INPP4A: variants seen among roughly 807,000 people sequenced by gnomAD.
INPP4A encodes inositol polyphosphate-4-phosphatase, type I, 107kD.
INPP4A carries 33 observed loss-of-function variants against 119.8 expected under a neutral mutation model. That is an observed-to-expected ratio of 0.28 (90% CI 0.21 to 0.37). The LOEUF is 0.37. INPP4A is among the 10% of genes least tolerant of loss of function. The pLI is 1.00. For missense variants in INPP4A, 956 were observed against 1,289.9 expected (o/e 0.74, Z 3.97); for synonymous variants, 496 against 500.7 (o/e 0.99, Z 0.12).
intron 1 of INPP4A, among the ~76,000 whole-genome samples, chr2:98,469,881 G>C (rs1270658320): frequency 6.6e-6 from 1 of 152,126 alleles, no homozygotes; most frequent in Non-Finnish European, 1.5e-5. Flanking sequence ...CCCACATATT[G>C]GTGTTGAGCC....
At chr2:98,514,649 C>G (rs929143150) in intron 1 of INPP4A, among the ~76,000 whole-genome samples, 3 of 152,110 alleles carry the variant, frequency 2.0e-5, no homozygotes, top group African/African-American at 7.2e-5. Flanking sequence ...GGTGTTATGG[C>G]TCACACCTGT....
intron 4 of INPP4A, among the ~76,000 whole-genome samples, chr2:98,527,210 C>T (rs960106786): frequency 3.9e-5 from 6 of 152,138 alleles, no homozygotes; most frequent in Non-Finnish European, 7.4e-5. Flanking sequence ...CTGAAGGGGA[C>T]AGAATGGGGT....
chr2:98,481,234 C>T (rs1678374936), intron 1 of INPP4A, among the ~76,000 whole-genome samples: 1 of 152,158 alleles, frequency 6.6e-6, no homozygotes, highest in African/African-American at 2.4e-5. Flanking sequence ...TCCCTCACCC[C>T]ACAGAGAGGC....
intron 17 of INPP4A, among the ~76,000 whole-genome samples, chr2:98,561,177 G>A (rs1695407471): frequency 6.6e-6 from 1 of 152,164 alleles, no homozygotes; most frequent in Admixed American, 6.5e-5. Flanking sequence ...ATCTAAATTA[G>A]TATGGCCCAT....
chr2:98,568,663 A>G lies in INPP4A; in HGVS notation c.2513A>G (p.Glu838Gly). ...YFEQFKEVLPEDCLPRSRSQT... is the reference protein window; with the variant it reads ...YFEQFKEVLPGDCLPRSRSQT... ...GAGCAGTTTAAGGAAGTTTTGCCTG[A>G]GGATTGTAAGTATTTCTTCAGTCAT... is the stretch of plus-strand genomic sequence containing the variant. Residue 838 changes from glutamate to glycine, a missense_variant, in exon 22 of 25, where the codon GAG becomes GGG. Transcript: ENST00000409851. 1 of 1,543,760 alleles carries G rather than the reference A, an allele frequency of 6.5e-7. No individual in the cohort carries two copies.
rs191783685 is a variant in INPP4A, at chr2:98,563,692, G to A, written c.2028+55G>A. 339 of 1,575,910 alleles carry A rather than the reference G, an allele frequency of 2.2e-4. No homozygotes were observed. The African/African-American group carries it at 4.1e-3, about 19-fold the overall frequency. ...CACGGGCACCTCTCAGCTCAGAAAA[G>A]ACAGGCTTAGGAAGCCCTTCCCTCT... is the stretch of plus-strand genomic sequence containing the variant. On this transcript the variant is annotated intron_variant, in intron 18 of 24. Transcript: ENST00000409851.
intron 1 of INPP4A, among the ~76,000 whole-genome samples, chr2:98,487,871 T>C (rs150762889): frequency 1.8e-4 from 28 of 152,338 alleles, no homozygotes; most frequent in African/African-American, 6.5e-4. Context: ...TCAGTAGCTA[T>C]TAGATAAAAC....
At chr2:98,559,527 T>G in intron 17 of INPP4A, 32 bp downstream of exon 17, 1 of 1,609,204 alleles carries the variant, frequency 6.2e-7, no homozygotes, top group Non-Finnish European at 8.5e-7. Context: ...CTCCTGCTGA[T>G]GCCCTTTTAA....
At chr2:98,491,084 G>A (rs1680646368) in intron 1 of INPP4A, among the ~76,000 whole-genome samples, 1 of 152,192 alleles carries the variant, frequency 6.6e-6, no homozygotes, top group African/African-American at 2.4e-5. Flanking sequence ...GGAACAACAA[G>A]TTCTGCCTAT....
chr2:98,576,888 C>G (rs971610775), intron 23 of INPP4A, 101 bp from the exon 24 acceptor site: 7 of 1,416,570 alleles, frequency 4.9e-6, no homozygotes, highest in African/African-American at 1.4e-5. Flanking sequence ...AGTTTCTGTT[C>G]CTGCCCTTGC....
At chr2:98,559,942 T>A (rs1179663943) in intron 17 of INPP4A, among the ~76,000 whole-genome samples, 1 of 152,248 alleles carries the variant, frequency 6.6e-6, no homozygotes, top group Admixed American at 6.5e-5. Context: ...GTTGGCAAGC[T>A]ACAGCTCTGA....
At chr2:98,466,693 G>A (rs1255324864) in intron 1 of INPP4A, among the ~76,000 whole-genome samples, 5 of 152,166 alleles carry the variant, frequency 3.3e-5, no homozygotes, top group Non-Finnish European at 5.9e-5. Context: ...TAGACCCATC[G>A]CCAAACTCAC....
At chr2:98,553,157 C>T (rs896755132) in intron 14 of INPP4A, among the ~76,000 whole-genome samples, 188 bp downstream of exon 14, 2 of 152,212 alleles carry the variant, frequency 1.3e-5, no homozygotes, top group African/African-American at 4.8e-5. Flanking sequence ...CAGAGCTGGA[C>T]AGACCAAGGG....
intron 13 of INPP4A, among the ~76,000 whole-genome samples, chr2:98,552,409 C>T (rs1693692426): frequency 6.6e-6 from 1 of 152,202 alleles, no homozygotes; most frequent in African/African-American, 2.4e-5. Context: ...TGTAAATGGC[C>T]TCTATGTCTC....
chr2:98,495,862 G>A (rs916968409), intron 1 of INPP4A, among the ~76,000 whole-genome samples: 1 of 152,298 alleles, frequency 6.6e-6, no homozygotes, highest in African/African-American at 2.4e-5. Flanking sequence ...AAAAAGACCT[G>A]GAAAGGGAAG....
chr2:98,481,354 C>T (rs1678413228), intron 1 of INPP4A, among the ~76,000 whole-genome samples: 1 of 152,110 alleles, frequency 6.6e-6, no homozygotes, highest in Non-Finnish European at 1.5e-5. Flanking sequence ...GCATACATTT[C>T]CTATACCAGT....
At chr2:98,461,063 C>G (rs1206994143) in intron 1 of INPP4A, among the ~76,000 whole-genome samples, 1 of 152,132 alleles carries the variant, frequency 6.6e-6, no homozygotes, top group African/African-American at 2.4e-5. Context: ...TTCCCGTGAC[C>G]TCATGGGGTA....
intron 1 of INPP4A, among the ~76,000 whole-genome samples, chr2:98,464,904 C>CT (rs1674429682): frequency 6.6e-6 from 1 of 152,174 alleles, no homozygotes; most frequent in Admixed American, 6.5e-5. Flanking sequence ...CACGAAGGAG[C>CT]TTTTGTGAGC....
chr2:98,514,924 GAA>G (rs35664241), intron 1 of INPP4A, among the ~76,000 whole-genome samples: 116 of 146,152 alleles, frequency 7.9e-4, no homozygotes, highest in African/African-American at 2.5e-3. Flanking sequence ...CTAAAAGCTG[GAA>G]AAAAAAAAAA....
Sources: gnomAD v4.1 joint callset for allele counts (sites outside exome capture counted in the v4.1 genomes callset) on GRCh38, gnomAD v4.1.1 for gene constraint, MANE v1.5 for transcripts, NCBI Gene and HGNC (gene_info 2026-07-23, HGNC 2026-07-21) for gene names.